MYO5A: variants seen among roughly 807,000 people sequenced by gnomAD.
The protein encoded by MYO5A is unconventional myosin-Va.
In MYO5A, 98 loss-of-function variants were observed where a neutral mutation model predicts 249.7. That is an observed-to-expected ratio of 0.39 (90% confidence interval 0.33 to 0.46). The LOEUF (loss-of-function observed/expected upper bound fraction) is 0.46, where lower values mean the gene tolerates loss of function less well. MYO5A is among the 20% of genes least tolerant of loss of function. The pLI is 0.98. For missense variants in MYO5A, 1,696 were observed against 2,308.8 expected, an observed-to-expected ratio of 0.73 and a Z score of 5.44; for synonymous variants, 778 against 810.6, an observed-to-expected ratio of 0.96 and a Z score of 0.68.
intron 1 of MYO5A, among the ~76,000 whole-genome samples, chr15:52,515,252 G>A (rs2077472820): frequency 6.7e-6 from 1 of 148,516 alleles, no homozygotes; most frequent in African/African-American, 2.5e-5. Flanking sequence ...ACTCCAGCCT[G>A]AGCAACAGAG....
At chr15:52,338,181 TA>T (rs1160028320) in intron 32 of MYO5A, among the ~76,000 whole-genome samples, 1 of 150,910 alleles carries the variant, frequency 6.6e-6, no homozygotes, top group Non-Finnish European at 1.5e-5. Flanking sequence ...CCTGCCTTTT[TA>T]CTCCCAGCCT....
rs1163679786 is a variant in MYO5A, at chr15:52,410,912, A to T, written c.613-436T>A. ...TTTTAAGAACAGAACCACTTTTGCC[A>T]CTGCAGGCACAGGTGTATGCTTTGC... is the stretch of plus-strand genomic sequence containing the variant. On this transcript the variant is annotated intron_variant, in intron 5 of 41. Transcript: ENST00000399233. Among the ~76,000 whole-genome samples, 6 of 152,306 alleles carry T rather than the reference A, an allele frequency of 3.9e-5. No homozygotes were observed. In the South Asian group the frequency reaches 1.2e-3, roughly 32 times the overall value.
At chr15:52,396,639 T>C (rs916350280) in intron 10 of MYO5A, among the ~76,000 whole-genome samples, 1 of 151,842 alleles carries the variant, frequency 6.6e-6, no homozygotes, top group Admixed American at 6.6e-5. Flanking sequence ...GGCCCCAGCA[T>C]GCAGAGGTGT....
At chr15:52,504,567 C>A (rs2141594900) in intron 1 of MYO5A, among the ~76,000 whole-genome samples, 1 of 152,244 alleles carries the variant, frequency 6.6e-6, no homozygotes, top group Middle Eastern at 3.4e-3. Context: ...GAAGCTGCCA[C>A]ATCTTACATT....
chr15:52,390,735 AT>A (rs2042194612), intron 12 of MYO5A, among the ~76,000 whole-genome samples: 2 of 151,258 alleles, frequency 1.3e-5, no homozygotes, highest in South Asian at 4.2e-4. Context: ...AATTTTTTGT[AT>A]TTTTTTGTAG....
chr15:52,461,594 C>A (rs1323658167), intron 1 of MYO5A, among the ~76,000 whole-genome samples: 1 of 152,110 alleles, frequency 6.6e-6, no homozygotes, highest in Admixed American at 6.5e-5. Context: ...AAAACTTATT[C>A]ATATTTAAAT....
intron 1 of MYO5A, among the ~76,000 whole-genome samples, chr15:52,528,119 G>C (rs550132935): frequency 6.6e-6 from 1 of 152,020 alleles, no homozygotes; most frequent in African/African-American, 2.4e-5. Flanking sequence ...TAAAGACATG[G>C]AGCCTAACAA....
chr15:52,488,206 TAA>T (rs5812610), intron 1 of MYO5A, among the ~76,000 whole-genome samples: 101 of 148,040 alleles, frequency 6.8e-4, no homozygotes, highest in Admixed American at 8.7e-4. Flanking sequence ...AGAGAAGGAT[TAA>T]AAAAAAAAAA....
intron 14 of MYO5A, among the ~76,000 whole-genome samples, chr15:52,385,886 T>C (rs186870720): frequency 6.6e-6 from 1 of 152,146 alleles, no homozygotes; most frequent in African/African-American, 2.4e-5. Context: ...CCCACTTCAA[T>C]GGAAACAATG....
rs535456569 is a variant in MYO5A at position 52,377,379 on chromosome 15, G to T, written c.2209-821C>A. Among the ~76,000 whole-genome samples the T allele has an allele frequency of 4.6e-5, 7 of 151,050 alleles. No homozygotes were observed. The South Asian group carries it at 1.5e-3, about 32-fold the overall frequency. On this transcript the variant is annotated intron_variant, in intron 18 of 41. Coordinates refer to ENST00000399233, the MANE Select transcript of MYO5A (RefSeq NM_001382347.1). ...GGAGGTTGCAGTGAGCCAAGATCGC[G>T]CCACTGCACTCCAGCCTAGCAACAG...
intron 1 of MYO5A, among the ~76,000 whole-genome samples, chr15:52,443,472 G>A (rs1473823563): frequency 3.9e-5 from 6 of 152,138 alleles, no homozygotes; most frequent in African/African-American, 1.4e-4. Flanking sequence ...CTTCACTTTG[G>A]GAGGCTGAGG....
chr15:52,501,890 C>CACACACAG (rs142701288), intron 1 of MYO5A, among the ~76,000 whole-genome samples: 22,242 of 151,296 alleles, frequency 0.15, 1,709 homozygotes, highest in Middle Eastern at 0.22. Context: ...CACACACACA[C>CACACACAG]ACACACACAC....
chr15:52,516,519 C>T lies in MYO5A; in HGVS notation c.27+12261G>A, dbSNP rs1004339996. 2.0e-5 allele frequency among the ~76,000 whole-genome samples: 3 copies of T among 152,160 alleles called. No individual in the cohort carries two copies. The East Asian group carries it at 5.8e-4, about 29-fold the overall frequency. ...CCTATGCCTTTAATGTCTAAGGCTC[C>T]ACACAATCAACCCTTGCCCAGGTCT... On this transcript the variant is annotated intron_variant, in intron 1 of 41. Coordinates refer to ENST00000399233, the MANE Select transcript of MYO5A (RefSeq NM_001382347.1).
chr15:52,475,989 G>T (rs1052933973), intron 1 of MYO5A, among the ~76,000 whole-genome samples: 3 of 152,152 alleles, frequency 2.0e-5, no homozygotes, highest in Admixed American at 1.3e-4. Flanking sequence ...TGACAGTGGG[G>T]TGTTAAAGTC....
chr15:52,506,087 C>G (rs995002477), intron 1 of MYO5A, among the ~76,000 whole-genome samples: 2 of 152,108 alleles, frequency 1.3e-5, no homozygotes, highest in Admixed American at 1.3e-4. Context: ...CGCTGTGGCT[C>G]ATGCCTGTAA....
At chr15:52,342,114 T>G (rs1000936199) in intron 31 of MYO5A, among the ~76,000 whole-genome samples, 7 of 152,128 alleles carry the variant, frequency 4.6e-5, no homozygotes, top group African/African-American at 1.7e-4. Flanking sequence ...ATCCCAACAC[T>G]TTGGGAGGCC....
intron 1 of MYO5A, among the ~76,000 whole-genome samples, chr15:52,504,843 C>G (rs1205225800): frequency 3.3e-5 from 5 of 150,764 alleles, no homozygotes; most frequent in African/African-American, 4.9e-5. Flanking sequence ...GAGCTGAGAT[C>G]GCACCACTGC....
Position 52,384,351 on chromosome 15 carries a change from C to T in MYO5A, c.1753-29G>A, listed in dbSNP as rs771734269. 6.8e-6 allele frequency: 11 copies of T among 1,607,742 alleles called. No individual in the cohort carries two copies. In the Middle Eastern group the frequency reaches 1.0e-3, roughly 146 times the overall value. ...AGTCAGAAACAATATAAAGAAATTA[C>T]ATTCTAAACCAAACTTGAACGCAAA... On this transcript the variant is annotated intron_variant, in intron 14 of 41. Transcript: ENST00000399233.
intron 18 of MYO5A, 36 bp from the exon 19 acceptor site, chr15:52,376,594 A>C: frequency 6.4e-7 from 1 of 1,566,372 alleles, no homozygotes; most frequent in South Asian, 1.1e-5. Context: ...CAGAAATAAT[A>C]ATCATATAAG....
Sources: gnomAD v4.1 joint callset for allele counts (sites outside exome capture counted in the v4.1 genomes callset) on GRCh38, gnomAD v4.1.1 for gene constraint, MANE v1.5 for transcripts, NCBI Gene and HGNC (gene_info 2026-07-23, HGNC 2026-07-21) for gene names.